MARK4: variants seen among roughly 807,000 people sequenced by gnomAD.
MARK4 encodes the protein MAP/microtubule affinity-regulating kinase 4.
In MARK4, 19 loss-of-function variants were observed where a neutral mutation model predicts 81.5. That is an observed-to-expected ratio of 0.23 (90% confidence interval 0.16 to 0.34). The LOEUF (loss-of-function observed/expected upper bound fraction) is 0.34. MARK4 is among the 10% of genes least tolerant of loss of function. The pLI is 1.00. For synonymous variants in MARK4, 436 were observed against 439.0 expected, an observed-to-expected ratio of 0.99 and a Z score of 0.08; for missense variants, 772 against 1,058.8, an observed-to-expected ratio of 0.73 and a Z score of 3.76.
Position 45,304,428 on chromosome 19 carries a change from A to G in MARK4, c.*1718A>G, listed in dbSNP as rs1971021402. ...AAGTGTCATGAGCAGGAGAAAAGGCATGGGAGCTGGACAGATTATAGTGGT... is the reference window on the plus strand; with the variant it reads ...AAGTGTCATGAGCAGGAGAAAAGGCGTGGGAGCTGGACAGATTATAGTGGT... On this transcript the variant is annotated 3_prime_UTR_variant, in exon 17 of 17. Coordinates refer to ENST00000262891, the MANE Select transcript of MARK4 (RefSeq NM_001199867.2). 6.6e-6 allele frequency: 1 copy of G among 152,314 alleles called. No individual in the cohort carries two copies. The highest frequency in any genetic ancestry group is 1.5e-5 in the Non-Finnish European group (1 of 68,130). The allele number at this position is 152,314 out of a possible 1,614,324, so 9.4% of individuals were successfully genotyped here. A position where few individuals can be genotyped will look rare whatever the true frequency, so the allele number is the denominator to read the frequency against.
chr19:45,266,417 A>C (rs1970454395), intron 7 of MARK4, 136 bp downstream of exon 7: 2 of 798,854 alleles, frequency 2.5e-6, no homozygotes, highest in African/African-American at 1.7e-5. Flanking sequence ...TTCCCTCCAC[A>C]CCCAGCACCC....
At position 45,302,408 on chromosome 19, in the gene MARK4, C is replaced by A. The variant is rs1471058645; in HGVS notation, c.1957C>A (p.Pro653Thr). The change falls in exon 17 of 17, where the codon CCC becomes ACC. Residue 653 changes from proline (P) to threonine (T), a missense_variant. By Grantham distance (38) the Pro-to-Thr change is conservative. Transcript: ENST00000262891. This position sits in a 1 kb window ranked among gnomAD's most constrained non-coding sequence, Gnocchi z 4.9. ...HLPWDQTETAPRLLRFPWSVK... is the reference protein window; with the variant it reads ...HLPWDQTETATRLLRFPWSVK... ...ACCTTGGGATCAAACGGAAACCGCC[C>A]CCCGGCTGCTCCGATTCCCCTGGAG... is the stretch of plus-strand genomic sequence containing the variant. 2.5e-6 allele frequency: 4 copies of A among 1,614,126 alleles called. No individual in the cohort carries two copies. Among genetic ancestry groups the A allele is most frequent in the Non-Finnish European group, 3.4e-6 (4 of 1,179,978 alleles).
intron 15 of MARK4, among the ~76,000 whole-genome samples, chr19:45,298,473 T>C (rs2123111263): frequency 6.6e-6 from 1 of 152,318 alleles, no homozygotes; most frequent in Non-Finnish European, 1.5e-5. Flanking sequence ...AAAATGGGTA[T>C]AGTAATAACA....
At position 45,280,577 on chromosome 19, in the gene MARK4, G is replaced by C. The variant is rs1970659551; in HGVS notation, c.1119G>C (p.Glu373Asp). Residue 373 changes from glutamate to aspartate, a missense_variant and splice_region_variant, in exon 12 of 17, where the codon GAG (glutamate) becomes GAC (aspartate). By Grantham distance (45) the Glu-to-Asp change is conservative. Transcript: ENST00000262891. ...TYLLLGRKTE[E>D]GGDRGAPGLA... ...CCTCATCTGTCATCCTCTCGCAGGAGGGTGGGGACCGGGGCGCCCCAGGGC... is the reference window on the plus strand; with the variant it reads ...CCTCATCTGTCATCCTCTCGCAGGACGGTGGGGACCGGGGCGCCCCAGGGC... 1.2e-6 allele frequency: 2 copies of C among 1,613,842 alleles called. No homozygotes were observed. Among genetic ancestry groups the C allele is most frequent in the Non-Finnish European group, 8.5e-7 (1 of 1,179,844 alleles).
chr19:45,259,884 C>T (rs759309112), intron 2 of MARK4, among the ~76,000 whole-genome samples: 10 of 151,936 alleles, frequency 6.6e-5, no homozygotes, highest in Non-Finnish European at 8.8e-5. Flanking sequence ...GTCAGGAGTT[C>T]GAGACCAGCC....
At position 45,297,439 on chromosome 19, in the gene MARK4, G is replaced by A. The variant is rs571460543; in HGVS notation, c.1599-237G>A. Among the ~76,000 whole-genome samples, 5 of 152,270 alleles carry A rather than the reference G, an allele frequency of 3.3e-5. No homozygotes were observed. The South Asian group carries it at 6.2e-4, about 19-fold the overall frequency. On this transcript the variant is annotated intron_variant, in intron 14 of 16. Transcript: ENST00000262891. ...GTTGTGATAGGAGATGATTTGGAGC[G>A]GGTAGAGTTTGAAGAAGGGACAGTT...
At chr19:45,269,303 CA>C (rs1484123801) in intron 7 of MARK4, among the ~76,000 whole-genome samples, 1 of 152,104 alleles carries the variant, frequency 6.6e-6, no homozygotes, top group Non-Finnish European at 1.5e-5. Flanking sequence ...CGCTTGAACC[CA>C]GGAGGAAGAG....
At chr19:45,287,202 C>CAA (rs139216602) in intron 12 of MARK4, among the ~76,000 whole-genome samples, 42 of 65,438 alleles carry the variant, frequency 6.4e-4, no homozygotes, top group African/African-American at 9.0e-4. Context: ...GACTTTGTCT[C>CAA]AAAAAAAAAA....
rs151153987 is a variant in MARK4, at chr19:45,271,618, C to T, written c.696C>T (p.Tyr232=). ...CGGAGCTGTTTCAGGGCAAGAAGTACGACGGGCCGGAGGTGGACATCTGGA... is the reference window on the plus strand; with the variant it reads ...CGGAGCTGTTTCAGGGCAAGAAGTATGACGGGCCGGAGGTGGACATCTGGA... ...AAPELFQGKK[Y]DGPEVDIWSL... is the part of the protein sequence containing the mutation. The change falls in exon 8 of 17, where the codon TAC becomes TAT. Residue 232 remains tyrosine, a synonymous_variant. Coordinates refer to ENST00000262891, the MANE Select transcript of MARK4 (RefSeq NM_001199867.2). The surrounding 1 kb of genome is among the most constrained non-coding windows in gnomAD (Gnocchi z 4.1). 4.9e-5 allele frequency: 79 copies of T among 1,614,240 alleles called. No homozygotes were observed. The highest frequency in any genetic ancestry group is 1.3e-4 in the Admixed American group (8 of 60,026).
rs759497848 is a variant in MARK4 at position 45,266,295 on chromosome 19, C to T, written c.549+14C>T. On this transcript the variant is annotated intron_variant, in intron 7 of 16. Transcript: ENST00000262891. ...AGGGACCTGAAGGTAAGCCCCCGAC[C>T]CGCTGTGATCTCAGGGACCACGGCT... 6.2e-7 allele frequency: 1 copy of T among 1,613,388 alleles called. No individual in the cohort carries two copies. Among genetic ancestry groups the T allele is most frequent in the Non-Finnish European group, 8.5e-7 (1 of 1,179,438 alleles).
chr19:45,273,492 G>C (rs1474094844), intron 8 of MARK4, among the ~76,000 whole-genome samples: 1 of 152,182 alleles, frequency 6.6e-6, no homozygotes, highest in Non-Finnish European at 1.5e-5. Context: ...CATCATCCCA[G>C]GAATATCTTT....
At chr19:45,259,735 A>C (rs1299692491) in intron 2 of MARK4, among the ~76,000 whole-genome samples, 1 of 152,132 alleles carries the variant, frequency 6.6e-6, no homozygotes. Flanking sequence ...TGACCTCACC[A>C]CTGCACTCCA....
intron 13 of MARK4, among the ~76,000 whole-genome samples, chr19:45,290,131 A>T (rs889059794): frequency 3.4e-4 from 52 of 152,202 alleles, no homozygotes; most frequent in African/African-American, 1.3e-3. Context: ...GTTTTTAAAT[A>T]CTAATTTTTC....
chr19:45,270,420 C>G (rs1222142221), intron 7 of MARK4, among the ~76,000 whole-genome samples: 1 of 152,054 alleles, frequency 6.6e-6, no homozygotes, highest in Non-Finnish European at 1.5e-5. Context: ...AGATATGCAA[C>G]CAGGATTAAA....
Position 45,302,808 on chromosome 19 carries a change from C to T in MARK4, c.*98C>T, listed in dbSNP as rs1308352286. ...AGGGAGGGGATTCTCCCTTTATCAT[C>T]ACCTCAGTTTCCCTGAATTATATTT... On this transcript the variant is annotated 3_prime_UTR_variant, in exon 17 of 17. Coordinates refer to ENST00000262891, the MANE Select transcript of MARK4 (RefSeq NM_001199867.2). This position sits in a 1 kb window ranked among gnomAD's most constrained non-coding sequence, Gnocchi z 4.9. 3 of 1,462,760 alleles carry T rather than the reference C, an allele frequency of 2.1e-6. No homozygotes were observed. The African/African-American group carries it at 4.2e-5, about 21-fold the overall frequency. 90.6% of individuals were successfully genotyped at this position (1,462,760 alleles called of 1,614,324 possible).
chr19:45,263,218 G>A (rs1970403010), intron 3 of MARK4, 52 bp downstream of exon 3: 1 of 1,613,350 alleles, frequency 6.2e-7, no homozygotes, highest in South Asian at 1.1e-5. Context: ...GGCACAGCCG[G>A]GTGACCCACC....
intron 12 of MARK4, 56 bp from the exon 13 acceptor site, chr19:45,287,391 A>G (rs939639438): frequency 2.2e-5 from 27 of 1,221,736 alleles, no homozygotes; most frequent in Non-Finnish European, 2.8e-5. Flanking sequence ...GATCCCCCAG[A>G]GTCAGTTCTG....
intron 12 of MARK4, among the ~76,000 whole-genome samples, chr19:45,281,804 C>G (rs1254815194): frequency 1.3e-5 from 2 of 152,224 alleles, no homozygotes; most frequent in African/African-American, 4.8e-5. Context: ...TGCTGAGAGT[C>G]TGCCCTCTGG....
At chr19:45,263,210 C>A (rs1970402794) in intron 3 of MARK4, 44 bp downstream of exon 3, 1 of 1,612,828 alleles carries the variant, frequency 6.2e-7, no homozygotes, top group African/African-American at 1.3e-5. Context: ...AGGCTTCCGG[C>A]ACAGCCGGGT....
Sources: gnomAD v4.1 joint callset for allele counts (sites outside exome capture counted in the v4.1 genomes callset) on GRCh38, gnomAD v4.1.1 for gene constraint, Gnocchi (gnomAD v3.1) non-coding constraint, MANE v1.5 for transcripts, NCBI Gene and HGNC (gene_info 2026-07-23, HGNC 2026-07-21) for gene names.